The following PIWIL4 variants were observed in gnomAD, a reference collection of about 807,000 sequenced individuals.
PIWIL4 encodes the protein piwi like RNA-mediated gene silencing 4.
Under a neutral mutation model 100.9 loss-of-function variants are expected in PIWIL4, and 50 were observed. The ratio of observed to expected loss-of-function variants is 0.50; its 90% CI spans 0.39 to 0.63. PIWIL4 has a LOEUF of 0.63. Among genes scored for constraint, PIWIL4 ranks in the 20% least tolerant of loss-of-function variants. The pLI is 0.00. For synonymous variants in PIWIL4, 342 were observed against 367.5 expected, an observed-to-expected ratio of 0.93 and a Z score of 0.79; for missense variants, 887 against 1,043.3, an observed-to-expected ratio of 0.85 and a Z score of 2.06.
intron 13 of PIWIL4, among the ~76,000 whole-genome samples, chr11:94,604,972 C>G (rs1213301404): frequency 6.6e-6 from 1 of 152,154 alleles, no homozygotes; most frequent in Non-Finnish European, 1.5e-5. Flanking sequence ...AAGAACAGTA[C>G]AAACAACTCT....
intron 16 of PIWIL4, among the ~76,000 whole-genome samples, chr11:94,617,233 A>G (rs1361932970): frequency 1.3e-5 from 2 of 152,238 alleles, no homozygotes; most frequent in Admixed American, 1.3e-4. Context: ...CTATCAAACT[A>G]AAATGAATTT....
chr11:94,593,685 G>A (rs1948517375), intron 9 of PIWIL4, 44 bp downstream of exon 9: 1 of 1,597,540 alleles, frequency 6.3e-7, no homozygotes, highest in South Asian at 1.1e-5. Context: ...CTGGATACAG[G>A]CCCCTGATGC....
chr11:94,609,509 A>G (rs1453297697), intron 15 of PIWIL4, among the ~76,000 whole-genome samples: 2 of 152,186 alleles, frequency 1.3e-5, no homozygotes, highest in Non-Finnish European at 2.9e-5. Flanking sequence ...ATTGTGGGAA[A>G]CAGAAAAAGG....
intron 15 of PIWIL4, among the ~76,000 whole-genome samples, chr11:94,614,086 C>T (rs897715922): frequency 1.3e-5 from 2 of 151,492 alleles, no homozygotes; most frequent in Non-Finnish European, 2.9e-5. Flanking sequence ...TTAATTGTTT[C>T]TATCTCTATA....
intron 8 of PIWIL4, 128 bp from the exon 9 acceptor site, chr11:94,593,390 G>C: frequency 1.2e-6 from 1 of 845,340 alleles, no homozygotes; most frequent in Non-Finnish European, 1.7e-6. Context: ...GTAGCAATAA[G>C]TAGGTAACTA....
intron 15 of PIWIL4, among the ~76,000 whole-genome samples, chr11:94,610,505 A>G (rs543386122): frequency 5.3e-5 from 8 of 152,090 alleles, no homozygotes; most frequent in Admixed American, 1.3e-4. Flanking sequence ...TCTCCCTAAT[A>G]TTTATCTTCT....
intron 2 of PIWIL4, among the ~76,000 whole-genome samples, chr11:94,569,486 C>G (rs1256680801): frequency 1.3e-5 from 2 of 152,162 alleles, no homozygotes; most frequent in Non-Finnish European, 2.9e-5. Context: ...TCAAGTGATT[C>G]TCCTGCCTCA....
intron 1 of PIWIL4, 149 bp downstream of exon 1, chr11:94,567,754 T>C: frequency 7.9e-7 from 1 of 1,266,720 alleles, no homozygotes; most frequent in Non-Finnish European, 1.0e-6. Context: ...CCAAGGTTTC[T>C]TCTAACAGTT....
intron 2 of PIWIL4, among the ~76,000 whole-genome samples, chr11:94,572,362 C>A (rs563103203): frequency 5.3e-5 from 8 of 152,120 alleles, no homozygotes; most frequent in Non-Finnish European, 1.2e-4. Flanking sequence ...AAGTCCTTGC[C>A]CATGCCTATG....
intron 15 of PIWIL4, among the ~76,000 whole-genome samples, chr11:94,616,276 C>T (rs1948844950): frequency 6.6e-6 from 1 of 152,102 alleles, no homozygotes; most frequent in East Asian, 1.9e-4. Flanking sequence ...ATTTGAAGCT[C>T]GATATGGCTG....
Position 94,595,295 on chromosome 11 carries a change from T to A in PIWIL4, c.1151-14T>A, listed in dbSNP as rs765144833. ...TGTTCATTTTCTCACTTTGTCTTCATTTGCATTTAATAGGGCTGACTGACC... is the reference window on the plus strand; with the variant it reads ...TGTTCATTTTCTCACTTTGTCTTCAATTGCATTTAATAGGGCTGACTGACC... On this transcript the variant is annotated splice_polypyrimidine_tract_variant and intron_variant, in intron 9 of 19. Transcript: ENST00000299001. 6.2e-7 allele frequency: 1 copy of A among 1,607,444 alleles called. No individual in the cohort carries two copies. The highest frequency in any genetic ancestry group is 8.5e-7 in the Non-Finnish European group (1 of 1,174,622).
chr11:94,591,035 A>G (rs1472434795), intron 8 of PIWIL4, among the ~76,000 whole-genome samples: 8 of 152,214 alleles, frequency 5.3e-5, no homozygotes, highest in Admixed American at 5.2e-4. Flanking sequence ...GGTGTAGTGT[A>G]AGAACCGAGT....
intron 13 of PIWIL4, among the ~76,000 whole-genome samples, chr11:94,606,716 C>A (rs1301978525): frequency 6.6e-6 from 1 of 152,054 alleles, no homozygotes; most frequent in Non-Finnish European, 1.5e-5. Flanking sequence ...CGCCTGTAAT[C>A]CCAGCTACTC....
rs1399952935 is a variant in PIWIL4 at position 94,567,669 on chromosome 11, T to TGCCTTCCTCTGCATGTATC, written c.87+65_87+83dup. The TGCCTTCCTCTGCATGTATC allele has an allele frequency of 8.9e-6, 13 of 1,455,362 alleles. No individual in the cohort carries two copies. In the African/African-American group the frequency reaches 1.5e-4, roughly 17 times the overall value. 90.2% of individuals were successfully genotyped at this position (1,455,362 alleles called of 1,614,324 possible). ...CTACCTCTGTCTCTAGCCTGAACAA[T>TGCCTTCCTCTGCATGTATC]GCCTTCCTCTGCATGTATCTCCTCC... is the stretch of plus-strand genomic sequence containing the variant. On this transcript the variant is annotated intron_variant, in intron 1 of 19. Coordinates refer to ENST00000299001, the MANE Select transcript of PIWIL4 (RefSeq NM_152431.3).
intron 8 of PIWIL4, among the ~76,000 whole-genome samples, chr11:94,592,901 A>ACT (rs1337035465): frequency 6.6e-6 from 1 of 152,152 alleles, no homozygotes; most frequent in Non-Finnish European, 1.5e-5. Context: ...CCTGTGAGCT[A>ACT]CTGTTATCCT....
At position 94,574,998 on chromosome 11, in the gene PIWIL4, G is replaced by C; in HGVS notation, c.167-1G>C. ...GTTACCACATTCTCTTCATGTTTTA[G>C]ATAAATATGGGATATCTTCTGGTGA... is the stretch of plus-strand genomic sequence containing the variant. On this transcript the variant is annotated splice_acceptor_variant, in intron 2 of 19. Coordinates refer to ENST00000299001, the MANE Select transcript of PIWIL4 (RefSeq NM_152431.3). LOFTEE classifies it high-confidence loss of function. The C allele has an allele frequency of 1.2e-6, 2 of 1,611,728 alleles. No homozygotes were observed. The highest frequency in any genetic ancestry group is 2.2e-5 in the East Asian group (1 of 44,806).
intron 4 of PIWIL4, among the ~76,000 whole-genome samples, chr11:94,581,509 A>C (rs1424157809): frequency 2.0e-5 from 3 of 152,150 alleles, no homozygotes; most frequent in Non-Finnish European, 4.4e-5. Flanking sequence ...TTCAAAGGTA[A>C]AGAGAACTTT....
intron 11 of PIWIL4, among the ~76,000 whole-genome samples, chr11:94,600,147 G>T (rs927369295): frequency 3.3e-5 from 5 of 152,102 alleles, no homozygotes; most frequent in Non-Finnish European, 5.9e-5. Flanking sequence ...CTTCAGCGCA[G>T]GAAACCTGTT....
chr11:94,570,720 G>A (rs948189109), intron 2 of PIWIL4, among the ~76,000 whole-genome samples: 4 of 151,948 alleles, frequency 2.6e-5, no homozygotes, highest in African/African-American at 4.8e-5. Flanking sequence ...GTGAAACCCC[G>A]TTCCTACTAA....
Sources: gnomAD v4.1 joint callset for allele counts (sites outside exome capture counted in the v4.1 genomes callset) on GRCh38, gnomAD v4.1.1 for gene constraint, MANE v1.5 for transcripts, NCBI Gene and HGNC (gene_info 2026-07-23, HGNC 2026-07-21) for gene names.